Variants in ZCRB1 observed in about 807,000 individuals in gnomAD.
ZCRB1 encodes the protein zinc finger CCHC-type and RNA-binding motif-containing protein 1.
A neutral mutation model predicts 29.9 loss-of-function variants in ZCRB1; 21 were observed. That is an observed-to-expected ratio of 0.70 (90% CI 0.50 to 1.01). ZCRB1 has a LOEUF of 1.01. Among genes scored for constraint, ZCRB1 ranks in the 50% least tolerant of loss-of-function variants. The pLI, the probability that ZCRB1 is intolerant of heterozygous loss-of-function variation, is 0.00. For missense variants in ZCRB1, 204 were observed against 253.3 expected, an observed-to-expected ratio of 0.81 and a Z score of 1.32; for synonymous variants, 77 against 80.0, an observed-to-expected ratio of 0.96 and a Z score of 0.20.
Position 42,317,425 on chromosome 12 carries a change from G to T in ZCRB1, c.248C>A (p.Ala83Glu). Reference protein sequence around the residue: ...NKQLFGRVIKASIAIDNGRAA... With the variant: ...NKQLFGRVIKESIAIDNGRAA... ...TCTTCCATTGTCAATAGCAATGCTT[G>T]CTTTTATCACTCTACCAAATAACTA... The change falls in exon 5 of 8, where the codon GCA becomes GAA. Residue 83 changes from alanine to glutamate, a missense_variant. By Grantham distance (107) the Ala-to-Glu change is moderately radical (BLOSUM62 -1). Transcript: ENST00000266529. 6.2e-7 allele frequency: 1 copy of T among 1,610,350 alleles called. No homozygotes were observed.
intron 1 of ZCRB1, among the ~76,000 whole-genome samples, chr12:42,324,815 G>A (rs2068665181): frequency 6.6e-6 from 1 of 152,184 alleles, no homozygotes; most frequent in African/African-American, 2.4e-5. Flanking sequence ...CAAAAAAAAT[G>A]CTCTATTGAA....
intron 4 of ZCRB1, 34 bp from the exon 5 acceptor site, chr12:42,317,481 T>C (rs1341289664): frequency 1.4e-6 from 2 of 1,461,862 alleles, no homozygotes; most frequent in Admixed American, 2.1e-5. Flanking sequence ...GTAGAATGTA[T>C]TTCACTGAAA....
chr12:42,317,397 T>C lies in ZCRB1; in HGVS notation c.276A>G (p.Ala92=). 1.2e-6 allele frequency: 2 copies of C among 1,613,086 alleles called. No individual in the cohort carries two copies. ...AGTTTCGCCTTCGGATGAACTCAGC[T>C]GCTCTTCCATTGTCAATAGCAATGC... ...KASIAIDNGR[A]AEFIRRRNYF... Residue 92 remains alanine (A), a synonymous_variant, in exon 5 of 8, where the codon GCA becomes GCG. Transcript: ENST00000266529.
At position 42,320,741 on chromosome 12, in the gene ZCRB1, C is replaced by T. The variant is rs534552854; in HGVS notation, c.113+1677G>A. Among the ~76,000 whole-genome samples, 7 of 152,288 alleles carry T rather than the reference C, an allele frequency of 4.6e-5. No homozygotes were observed. The East Asian group carries it at 1.3e-3, about 29-fold the overall frequency. On this transcript the variant is annotated intron_variant, in intron 3 of 7. Transcript: ENST00000266529. ...CTGGGATTACAGGTGTGTGCCACTG[C>T]ACCCAGCTGCATTTGCTTTTGTTCC...
At chr12:42,318,043 G>A in intron 3 of ZCRB1, 145 bp from the exon 4 acceptor site, 1 of 629,114 alleles carries the variant, frequency 1.6e-6, no homozygotes, top group Non-Finnish European at 2.7e-6. Context: ...CAAAGTCAAG[G>A]GATATCAAGA....
At chr12:42,321,207 C>T (rs781244147) in intron 3 of ZCRB1, among the ~76,000 whole-genome samples, 1 of 152,192 alleles carries the variant, frequency 6.6e-6, no homozygotes, top group African/African-American at 2.4e-5. Context: ...GTGTCTTTAA[C>T]TCCATTGCAG....
chr12:42,318,542 T>C (rs1318143432), intron 3 of ZCRB1, among the ~76,000 whole-genome samples: 1 of 152,214 alleles, frequency 6.6e-6, no homozygotes, highest in Non-Finnish European at 1.5e-5. Context: ...AGGAGAGTTA[T>C]GAGAGCACAG....
At chr12:42,317,940 A>C in intron 3 of ZCRB1, 42 bp from the exon 4 acceptor site, 3 of 1,467,210 alleles carry the variant, frequency 2.0e-6, no homozygotes, top group Non-Finnish European at 1.9e-6. Context: ...GCAGCAATAA[A>C]TAAAACAGAT....
intron 6 of ZCRB1, 50 bp from the exon 7 acceptor site, chr12:42,313,815 C>T: frequency 6.2e-7 from 1 of 1,611,186 alleles, no homozygotes. Context: ...TAATCAAAAG[C>T]AACCAACCAA....
At chr12:42,323,836 G>A (rs1307471507) in intron 2 of ZCRB1, 183 bp downstream of exon 2, 2 of 579,910 alleles carry the variant, frequency 3.4e-6, no homozygotes, top group Non-Finnish European at 3.1e-6. Context: ...TCACCTGAGG[G>A]GGCGGGGAGG....
intron 5 of ZCRB1, among the ~76,000 whole-genome samples, chr12:42,316,978 G>T (rs955507667): frequency 6.6e-6 from 1 of 152,138 alleles, no homozygotes; most frequent in East Asian, 1.9e-4. Flanking sequence ...AGGCTGAGGT[G>T]GGAGGACTGC....
At position 42,326,087 on chromosome 12, in the gene ZCRB1, G is replaced by A. The variant is rs922367076; in HGVS notation, c.-166C>T. On this transcript the variant is annotated 5_prime_UTR_variant, in exon 1 of 8. Coordinates refer to ENST00000266529, the MANE Select transcript of ZCRB1 (RefSeq NM_033114.4). ...AATAGCAGCCACGGTGCTTCTTCCC[G>A]ACTGTTTGAGATCCGGGCCCCGAAG... is the stretch of plus-strand genomic sequence containing the variant. 1 of 152,294 alleles carries A rather than the reference G, an allele frequency of 6.6e-6. No homozygotes were observed. The highest frequency in any genetic ancestry group is 2.4e-5 in the African/African-American group (1 of 41,466). The allele number at this position is 152,294 out of a possible 1,614,324, so 9.4% of individuals were successfully genotyped here.
At chr12:42,314,756 C>T (rs1441874593) in intron 5 of ZCRB1, among the ~76,000 whole-genome samples, 3 of 151,858 alleles carry the variant, frequency 2.0e-5, no homozygotes, top group African/African-American at 2.4e-5. Flanking sequence ...GTTCAAGACC[C>T]GCCTGGCCAA....
chr12:42,316,733 CAAAAATTTAT>C (rs994506972), intron 5 of ZCRB1, among the ~76,000 whole-genome samples: 1 of 152,108 alleles, frequency 6.6e-6, no homozygotes, highest in Non-Finnish European at 1.5e-5. Flanking sequence ...ATCCTATTAA[CAAAAATTTAT>C]GAGTTACGAA....
At chr12:42,323,212 T>C (rs911524078) in intron 2 of ZCRB1, among the ~76,000 whole-genome samples, 1 of 152,178 alleles carries the variant, frequency 6.6e-6, no homozygotes, top group African/African-American at 2.4e-5. Context: ...GTAAAATAAC[T>C]GGATAGCAGT....
chr12:42,323,507 A>G (rs1041486652), intron 2 of ZCRB1, among the ~76,000 whole-genome samples: 8 of 152,062 alleles, frequency 5.3e-5, no homozygotes, highest in African/African-American at 1.9e-4. Flanking sequence ...TCCATTCCCA[A>G]CTTAACGTTC....
At chr12:42,316,561 G>C (rs17091061) in intron 5 of ZCRB1, among the ~76,000 whole-genome samples, 12,432 of 152,148 alleles carry the variant, frequency 0.082, 564 homozygotes, top group East Asian at 0.15. Context: ...ATCATGAAGA[G>C]AACCAAAGAA....
At chr12:42,313,586 T>C (rs1373221601) in intron 7 of ZCRB1, 104 bp downstream of exon 7, 5 of 1,230,856 alleles carry the variant, frequency 4.1e-6, no homozygotes, top group Admixed American at 2.2e-5. Flanking sequence ...CTTAGGAGGT[T>C]AGGGGGAAAA....
chr12:42,324,579 C>A (rs1295968795), intron 1 of ZCRB1, among the ~76,000 whole-genome samples: 1 of 152,226 alleles, frequency 6.6e-6, no homozygotes, highest in Non-Finnish European at 1.5e-5. Context: ...GATGTGTACA[C>A]CTTCCTTACA....
Sources: allele counts gnomAD v4.1 joint callset (sites outside exome capture counted in the v4.1 genomes callset), GRCh38; gene constraint gnomAD v4.1.1; transcripts MANE v1.5; gene names NCBI Gene and HGNC (gene_info 2026-07-23, HGNC 2026-07-21).